The following MEP1B variants were observed in gnomAD, a reference collection of about 807,000 sequenced individuals.
MEP1B encodes the protein N-benzoyl-L-tyrosyl-P-amino-benzoic acid hydrolase subunit beta.
Under a neutral mutation model 84.6 loss-of-function variants are expected in MEP1B, and 80 were observed. That is an observed-to-expected ratio of 0.95 (90% CI 0.79 to 1.14). The LOEUF (loss-of-function observed/expected upper bound fraction) is 1.14. MEP1B is among the 50% of genes most tolerant of loss of function. MEP1B has a pLI of 0.00. For synonymous variants in MEP1B, 273 were observed against 288.1 expected, an observed-to-expected ratio of 0.95 and a Z score of 0.53; for missense variants, 766 against 855.1, an observed-to-expected ratio of 0.90 and a Z score of 1.30.
At chr18:32,211,173 C>T (rs2041023070) in intron 10 of MEP1B, among the ~76,000 whole-genome samples, 1 of 152,112 alleles carries the variant, frequency 6.6e-6, no homozygotes, top group Non-Finnish European at 1.5e-5. Context: ...GAAGCTGAGG[C>T]AGGAGAATTG....
At chr18:32,197,523 G>A (rs1394132223) in intron 5 of MEP1B, among the ~76,000 whole-genome samples, 2 of 151,430 alleles carry the variant, frequency 1.3e-5, no homozygotes, top group African/African-American at 2.4e-5. Flanking sequence ...AGGTTTTGGC[G>A]ATTCTCCTGC....
intron 7 of MEP1B, among the ~76,000 whole-genome samples, chr18:32,205,881 T>C (rs2040959454): frequency 6.6e-6 from 1 of 152,218 alleles, no homozygotes; most frequent in Non-Finnish European, 1.5e-5. Flanking sequence ...CTACTTAACA[T>C]AGCCATCACC....
intron 5 of MEP1B, among the ~76,000 whole-genome samples, chr18:32,199,241 C>T (rs749170542): frequency 3.3e-5 from 5 of 152,136 alleles, no homozygotes; most frequent in African/African-American, 4.8e-5. Context: ...TGGTTGAAGC[C>T]GTGAGTATGG....
chr18:32,209,023 C>T (rs2040994871), intron 9 of MEP1B, among the ~76,000 whole-genome samples: 1 of 152,152 alleles, frequency 6.6e-6, no homozygotes, highest in South Asian at 2.1e-4. Context: ...AAGAAGAATC[C>T]AGACCAGGTA....
intron 13 of MEP1B, 44 bp downstream of exon 13, chr18:32,217,161 A>T: frequency 1.3e-6 from 2 of 1,598,604 alleles, no homozygotes; most frequent in Non-Finnish European, 1.7e-6. Context: ...TTGGTTAGAA[A>T]TTTTATTTCC....
chr18:32,208,383 T>A, intron 9 of MEP1B, 112 bp downstream of exon 9: 5 of 1,118,404 alleles, frequency 4.5e-6, no homozygotes, highest in Non-Finnish European at 4.9e-6. Flanking sequence ...TTAATGATTA[T>A]TCATTAGGTT....
In MEP1B at chr18:32,192,797, G is replaced by A. The variant is rs1250523039; in HGVS notation, c.151G>A (p.Gly51Ser). The change falls in exon 4 of 15, where the codon GGT becomes AGT. Residue 51 changes from glycine to serine, a missense_variant. Coordinates refer to ENST00000269202, the MANE Select transcript of MEP1B (RefSeq NM_005925.3). Reference sequence around the variant, plus strand: ...AGGTTTGGGACTGGATCTTTTTGAGGGTGACATCAGACTTGATAGGGTGAG... The same window carrying A: ...AGGTTTGGGACTGGATCTTTTTGAGAGTGACATCAGACTTGATAGGGTGAG... ...NEGLGLDLFE[G>S]DIRLDRAQIR... 8 of 1,612,624 alleles carry A rather than the reference G, an allele frequency of 5.0e-6. No individual in the cohort carries two copies. Among genetic ancestry groups the A allele is most frequent in the Non-Finnish European group, 6.8e-6 (8 of 1,179,262 alleles).
rs1035958477 is a variant in MEP1B, at chr18:32,196,097, C to T, written c.250+612C>T. The T allele has an allele frequency of 7.6e-5, 36 of 476,654 alleles. No homozygotes were observed. The highest frequency in any genetic ancestry group is 5.8e-4 in the South Asian group (29 of 49,938). The allele number at this position is 476,654 out of a possible 1,614,324, so 29.5% of individuals were successfully genotyped here. A position where few individuals can be genotyped will look rare whatever the true frequency, so the allele number is the denominator to read the frequency against. Reference sequence around the variant, plus strand: ...GAACCCAGGTCCTCTGGTGCCCCCGCTGGCTCGGGCTCGGTGGCCTTGGGC... The same window carrying T: ...GAACCCAGGTCCTCTGGTGCCCCCGTTGGCTCGGGCTCGGTGGCCTTGGGC... On this transcript the variant is annotated intron_variant, in intron 5 of 14. Transcript: ENST00000269202. This position sits in a 1 kb window ranked among gnomAD's most constrained non-coding sequence, Gnocchi z 4.4.
At position 32,196,313 on chromosome 18, in the gene MEP1B, C is replaced by T. The variant is rs181356756; in HGVS notation, c.250+828C>T. 4.0e-5 allele frequency: 28 copies of T among 704,746 alleles called. No homozygotes were observed. The highest frequency in any genetic ancestry group is 3.8e-4 in the East Asian group (14 of 37,048). The allele number at this position is 704,746 out of a possible 1,614,324, so 43.7% of individuals were successfully genotyped here. On this transcript the variant is annotated intron_variant, in intron 5 of 14. Transcript: ENST00000269202. The surrounding 1 kb of genome is among the most constrained non-coding windows in gnomAD (Gnocchi z 4.4). ...AGGGGCGGGATGTTGTTGCTGGAGC[C>T]GTTGCGGTAGATCTCATGCATGGCG...
Position 32,213,619 on chromosome 18 carries a change from A to G in MEP1B, c.1579+60A>G. 11 of 1,330,492 alleles carry G rather than the reference A, an allele frequency of 8.3e-6. No homozygotes were observed. In the South Asian group the frequency reaches 1.4e-4, roughly 17 times the overall value. 82.4% of individuals were successfully genotyped at this position (1,330,492 alleles called of 1,614,324 possible). A position where few individuals can be genotyped will look rare whatever the true frequency, so the allele number is the denominator to read the frequency against. ...ATCATTGCTCTAGGAGGGACTGATA[A>G]TTTTGGGAATGAGGGATTGCACAGT... On this transcript the variant is annotated intron_variant, in intron 11 of 14. Transcript: ENST00000269202.
At chr18:32,203,084 A>G in intron 6 of MEP1B, 74 bp downstream of exon 6, 2 of 852,964 alleles carry the variant, frequency 2.3e-6, no homozygotes, top group Non-Finnish European at 3.8e-6. Flanking sequence ...TGCAGCAATC[A>G]TCCTAGGCTC....
chr18:32,207,337 C>G lies in MEP1B; in HGVS notation c.633C>G (p.Tyr211Ter), dbSNP rs765634884. The G allele has an allele frequency of 6.2e-6, 10 of 1,612,062 alleles. No individual in the cohort carries two copies. Among genetic ancestry groups the G allele is most frequent in the African/African-American group, 1.3e-5 (1 of 75,022 alleles). Residue 211 changes from tyrosine to a stop codon, truncating the protein, a stop_gained, in exon 8 of 15, where the codon TAC (tyrosine) becomes TAG (stop). Coordinates refer to ENST00000269202, the MANE Select transcript of MEP1B (RefSeq NM_005925.3). LOFTEE classifies it high-confidence loss of function. ...VPYDYTSVMH[Y>*]SKTAFQNGTE... Reference sequence around the variant, plus strand: ...ATGATTACACTTCAGTAATGCACTACAGTAAAACTGCATTCCAAAATGGAA... The same window carrying G: ...ATGATTACACTTCAGTAATGCACTAGAGTAAAACTGCATTCCAAAATGGAA...
intron 5 of MEP1B, among the ~76,000 whole-genome samples, chr18:32,201,811 G>A (rs1158946683): frequency 6.6e-6 from 1 of 152,058 alleles, no homozygotes; most frequent in Non-Finnish European, 1.5e-5. Context: ...TGGATTTTAG[G>A]GTCTTCCCTA....
At chr18:32,202,586 T>C (rs1183335378) in intron 5 of MEP1B, among the ~76,000 whole-genome samples, 1 of 152,222 alleles carries the variant, frequency 6.6e-6, no homozygotes, top group Non-Finnish European at 1.5e-5. Context: ...ATTATTTATT[T>C]TGATTGCCTG....
intron 5 of MEP1B, among the ~76,000 whole-genome samples, chr18:32,200,749 C>T (rs539845807): frequency 7.2e-5 from 11 of 152,274 alleles, no homozygotes; most frequent in African/African-American, 2.6e-4. Flanking sequence ...CTCATAGCAG[C>T]CATTTATAGT....
intron 5 of MEP1B, among the ~76,000 whole-genome samples, chr18:32,201,758 T>C (rs961705698): frequency 1.3e-5 from 2 of 152,208 alleles, no homozygotes; most frequent in Non-Finnish European, 2.9e-5. Flanking sequence ...GTATTACTTA[T>C]GTGGTATTGT....
In MEP1B at chr18:32,208,185, G is replaced by C. The variant is rs1308257909; in HGVS notation, c.833G>C (p.Ser278Thr). ...GAAAATGTGTGTGGCATGATCCAAA[G>C]TTCAGGAGATAATGCTGACTGGCAA... is the stretch of plus-strand genomic sequence containing the variant. ...ELENVCGMIQ[S>T]SGDNADWQRV... Residue 278 changes from serine (S) to threonine (T), a missense_variant, in exon 9 of 15, where the codon AGT becomes ACT. Ser to Thr is a moderately conservative substitution (Grantham distance 58, BLOSUM62 1). Transcript: ENST00000269202. 6.2e-7 allele frequency: 1 copy of C among 1,613,976 alleles called. No homozygotes were observed. The highest frequency in any genetic ancestry group is 8.5e-7 in the Non-Finnish European group (1 of 1,179,888).
At chr18:32,218,315 G>A (rs965808950) in intron 14 of MEP1B, among the ~76,000 whole-genome samples, 2 of 152,142 alleles carry the variant, frequency 1.3e-5, no homozygotes, top group Admixed American at 6.5e-5. Flanking sequence ...TGGCCTGCAA[G>A]TGTTTTTGTT....
intron 5 of MEP1B, among the ~76,000 whole-genome samples, chr18:32,199,664 G>GTTTGTTCC (rs2040890671): frequency 1.1e-5 from 1 of 91,098 alleles, no homozygotes; most frequent in Non-Finnish European, 2.1e-5. Context: ...TTTTCCTTTC[G>GTTTGTTCC]TTCGTTCCTT....
Sources: allele counts gnomAD v4.1 joint callset (sites outside exome capture counted in the v4.1 genomes callset), GRCh38; gene constraint gnomAD v4.1.1; non-coding constraint Gnocchi (gnomAD v3.1); transcripts MANE v1.5; gene names NCBI Gene and HGNC (gene_info 2026-07-23, HGNC 2026-07-21).